Variants in RANBP17 observed in about 807,000 individuals in gnomAD.
The protein encoded by RANBP17 is ran-binding protein 17.
RANBP17 carries 158 observed loss-of-function variants against 141.2 expected under a neutral mutation model. That is an observed-to-expected ratio of 1.12 (90% CI 0.98 to 1.28). RANBP17 has a LOEUF of 1.28. RANBP17 is among the 50% of genes most tolerant of loss of function. The pLI is 0.00. For missense variants in RANBP17, 1,438 were observed against 1,290.7 expected, an observed-to-expected ratio of 1.11 and a Z score of -1.75; for synonymous variants, 430 against 450.0, an observed-to-expected ratio of 0.96 and a Z score of 0.56.
Position 171,166,318 on chromosome 5 carries a change from G to T in RANBP17, c.1711-3812G>T, listed in dbSNP as rs184848724. Reference sequence around the variant, plus strand: ...TCCTTCTCTGAAGGATGACCACACAGATAGGTTTAGTCTCTTATTTCTTAG... The same window carrying T: ...TCCTTCTCTGAAGGATGACCACACATATAGGTTTAGTCTCTTATTTCTTAG... On this transcript the variant is annotated intron_variant, in intron 14 of 27. Transcript: ENST00000523189. 5.1e-4 allele frequency among the ~76,000 whole-genome samples: 78 copies of T among 152,262 alleles called. No individual in the cohort carries two copies. The Middle Eastern group carries it at 0.014, about 27-fold the overall frequency.
intron 14 of RANBP17, among the ~76,000 whole-genome samples, chr5:171,147,323 T>TA (rs1758097820): frequency 6.7e-6 from 1 of 149,140 alleles, no homozygotes; most frequent in Non-Finnish European, 1.5e-5. Flanking sequence ...TATGTAATCA[T>TA]CTTTTCTTGG....
In RANBP17 at chr5:171,192,231, A is replaced by G. The variant is rs1581831988; in HGVS notation, c.2039-7439A>G. ...TTATCTGAAAAATAGACATGGGGGG[A>G]TGGGGGAGTGGGCAGTAAGGGGTAA... On this transcript the variant is annotated intron_variant, in intron 18 of 27. Transcript: ENST00000523189. Among the ~76,000 whole-genome samples, 6 of 152,052 alleles carry G rather than the reference A, an allele frequency of 3.9e-5. No individual in the cohort carries two copies. The South Asian group carries it at 1.0e-3, about 26-fold the overall frequency.
At chr5:170,930,706 C>T (rs867340437) in intron 12 of RANBP17, among the ~76,000 whole-genome samples, 1 of 152,090 alleles carries the variant, frequency 6.6e-6, no homozygotes, top group Non-Finnish European at 1.5e-5. Flanking sequence ...TGATGGTTTC[C>T]AGCTTCATCC....
intron 14 of RANBP17, among the ~76,000 whole-genome samples, chr5:171,054,367 T>C (rs1239415883): frequency 6.6e-6 from 1 of 152,178 alleles, no homozygotes; most frequent in East Asian, 1.9e-4. Flanking sequence ...GATTGATTAT[T>C]CATTAGTTTT....
intron 14 of RANBP17, among the ~76,000 whole-genome samples, chr5:171,142,031 C>T (rs1396282198): frequency 2.0e-5 from 3 of 152,132 alleles, no homozygotes; most frequent in Non-Finnish European, 4.4e-5. Context: ...TGGTGAAATA[C>T]CAGCAGATAC....
Position 171,293,950 on chromosome 5 carries a change from C to G in RANBP17, c.3011C>G (p.Pro1004Arg). 1 of 1,613,698 alleles carries G rather than the reference C, an allele frequency of 6.2e-7. No individual in the cohort carries two copies. The highest frequency in any genetic ancestry group is 8.5e-7 in the Non-Finnish European group (1 of 1,179,658). Residue 1004 changes from proline (P) to arginine (R), a missense_variant, in exon 26 of 28, where the codon CCT (proline) becomes CGT (arginine). Coordinates refer to ENST00000523189, the MANE Select transcript of RANBP17 (RefSeq NM_022897.5). ...DCRNQWSVSR[P>R]LLGLILLNEK... ...CGGAACCAGTGGTCAGTATCCAGGCCTCTCCTGGGGCTCATCCTGCTCAAT... is the reference window on the plus strand; with the variant it reads ...CGGAACCAGTGGTCAGTATCCAGGCGTCTCCTGGGGCTCATCCTGCTCAAT...
intron 14 of RANBP17, among the ~76,000 whole-genome samples, chr5:171,141,043 G>A (rs80076225): frequency 0.018 from 2,665 of 152,224 alleles, 85 homozygotes; most frequent in African/African-American, 0.061. Context: ...ATGATAGGCT[G>A]TACTTACTCA....
At chr5:171,175,400 C>T (rs1426024919) in intron 16 of RANBP17, among the ~76,000 whole-genome samples, 1 of 152,100 alleles carries the variant, frequency 6.6e-6, no homozygotes, top group African/African-American at 2.4e-5. Context: ...CTTATGCTCC[C>T]ACCAACAGTG....
At chr5:171,002,918 A>G (rs779298357) in intron 14 of RANBP17, among the ~76,000 whole-genome samples, 1 of 152,166 alleles carries the variant, frequency 6.6e-6, no homozygotes, top group Non-Finnish European at 1.5e-5. Context: ...GTCAGGAACA[A>G]TGGTAACTGT....
chr5:171,149,059 C>T lies in RANBP17; in HGVS notation c.1711-21071C>T, dbSNP rs1309081400. Reference sequence around the variant, plus strand: ...TGATTGCTGGTAAAGTAAACCTAACCATAGGTTCTGTAGCTACCACGTACA... The same window carrying T: ...TGATTGCTGGTAAAGTAAACCTAACTATAGGTTCTGTAGCTACCACGTACA... On this transcript the variant is annotated intron_variant, in intron 14 of 27. Transcript: ENST00000523189. Among the ~76,000 whole-genome samples the T allele has an allele frequency of 2.0e-5, 3 of 152,162 alleles. No individual in the cohort carries two copies. In the East Asian group the frequency reaches 5.8e-4, roughly 29 times the overall value.
chr5:171,230,954 T>A (rs990270041), intron 22 of RANBP17, among the ~76,000 whole-genome samples: 2 of 151,972 alleles, frequency 1.3e-5, no homozygotes, highest in African/African-American at 4.8e-5. Context: ...GTTTTTTTGT[T>A]GAGACAAGAT....
chr5:171,157,514 C>G (rs570056701), intron 14 of RANBP17, among the ~76,000 whole-genome samples: 1 of 152,194 alleles, frequency 6.6e-6, no homozygotes, highest in Non-Finnish European at 1.5e-5. Flanking sequence ...AACATTGAAA[C>G]TTGTCTTTAC....
Position 171,071,481 on chromosome 5 carries a change from G to A in RANBP17, c.1711-98649G>A, listed in dbSNP as rs535933313. 6.6e-5 allele frequency among the ~76,000 whole-genome samples: 10 copies of A among 152,102 alleles called. No individual in the cohort carries two copies. In the South Asian group the frequency reaches 2.1e-3, roughly 32 times the overall value. ...ATATAAGGCTACATAAGTCAAGCCA[G>A]TGGGGTCCTGGCCAAAGGATAAACA... On this transcript the variant is annotated intron_variant, in intron 14 of 27. Transcript: ENST00000523189.
chr5:171,000,716 G>A (rs1437726459), intron 14 of RANBP17, among the ~76,000 whole-genome samples: 1 of 152,152 alleles, frequency 6.6e-6, no homozygotes. Flanking sequence ...AGTTCTTATA[G>A]GTTTTGGGAT....
chr5:170,933,907 C>T (rs1268239398), intron 12 of RANBP17, among the ~76,000 whole-genome samples: 2 of 151,520 alleles, frequency 1.3e-5, no homozygotes, highest in African/African-American at 2.4e-5. Context: ...TGGGGTGGAG[C>T]GTTCTGTAGA....
intron 18 of RANBP17, among the ~76,000 whole-genome samples, chr5:171,199,455 G>T (rs913500802): frequency 3.9e-5 from 6 of 152,044 alleles, no homozygotes; most frequent in African/African-American, 7.2e-5. Context: ...AAAAAAAAAT[G>T]GCTGGTAAGT....
intron 14 of RANBP17, among the ~76,000 whole-genome samples, chr5:170,973,940 C>T (rs1777175757): frequency 6.6e-6 from 1 of 152,176 alleles, no homozygotes; most frequent in Non-Finnish European, 1.5e-5. Flanking sequence ...TCCAAAGGCC[C>T]TACCTCTTAA....
intron 14 of RANBP17, among the ~76,000 whole-genome samples, chr5:171,049,693 C>G (rs1343932536): frequency 6.6e-6 from 1 of 152,166 alleles, no homozygotes; most frequent in Non-Finnish European, 1.5e-5. Context: ...ATGTGACTAG[C>G]TAGTGATCCC....
intron 25 of RANBP17, among the ~76,000 whole-genome samples, chr5:171,282,050 C>T (rs1213752580): frequency 1.3e-5 from 2 of 152,184 alleles, no homozygotes; most frequent in Non-Finnish European, 2.9e-5. Context: ...CTTATCGGGG[C>T]AGATTAAAGA....
Sources: allele counts gnomAD v4.1 joint callset (sites outside exome capture counted in the v4.1 genomes callset), GRCh38; gene constraint gnomAD v4.1.1; transcripts MANE v1.5; gene names NCBI Gene and HGNC (gene_info 2026-07-23, HGNC 2026-07-21).